The following NTN4 variants were observed in gnomAD, a reference collection of about 807,000 sequenced individuals.
NTN4 encodes the protein netrin-4.
NTN4 carries 32 observed loss-of-function variants against 73.6 expected under a neutral mutation model. The observed-to-expected ratio is 0.44, with a 90% CI of 0.33 to 0.58. NTN4 has a LOEUF of 0.58. Ranked by LOEUF, NTN4 falls within the 20% of genes least tolerant of loss-of-function variation. NTN4 has a pLI of 0.04. For missense variants in NTN4, 654 were observed against 798.3 expected (o/e 0.82, Z 2.18); for synonymous variants, 258 against 287.5 (o/e 0.90, Z 1.04).
chr12:95,737,398 G>T (rs556187210), intron 3 of NTN4, among the ~76,000 whole-genome samples: 1 of 142,296 alleles, frequency 7.0e-6, no homozygotes, highest in African/African-American at 2.5e-5. Flanking sequence ...TCTGCCTTAG[G>T]TGAAGAGGGG....
At chr12:95,771,033 A>G (rs1409012949) in intron 2 of NTN4, among the ~76,000 whole-genome samples, 1 of 137,108 alleles carries the variant, frequency 7.3e-6, no homozygotes, top group Non-Finnish European at 1.5e-5. Flanking sequence ...TCTGTCGCCC[A>G]GGCTGGAGTG....
At chr12:95,767,829 T>C (rs764431455) in intron 2 of NTN4, among the ~76,000 whole-genome samples, 1 of 152,160 alleles carries the variant, frequency 6.6e-6, no homozygotes. Flanking sequence ...GTGCTAGGCC[T>C]TTGCATACTG....
At chr12:95,717,332 C>T (rs568077163) in intron 3 of NTN4, among the ~76,000 whole-genome samples, 2 of 152,244 alleles carry the variant, frequency 1.3e-5, no homozygotes, top group East Asian at 1.9e-4. Context: ...AGAGTTACCT[C>T]GTCAAACATT....
rs1037629943 is a variant in NTN4 at position 95,752,910 on chromosome 12, C to A, written c.586-14766G>T. Reference sequence around the variant, plus strand: ...TCTCATAGCTTCCAAAATCTATTTTCTTCCTCATACCTGATGCATATACTT... The same window carrying A: ...TCTCATAGCTTCCAAAATCTATTTTATTCCTCATACCTGATGCATATACTT... On this transcript the variant is annotated intron_variant, in intron 2 of 9. Coordinates refer to ENST00000343702, the MANE Select transcript of NTN4 (RefSeq NM_021229.4). 5.3e-5 allele frequency among the ~76,000 whole-genome samples: 8 copies of A among 152,198 alleles called. 1 individual carries two copies. The highest frequency in any genetic ancestry group is 3.9e-4 in the Admixed American group (6 of 15,290).
chr12:95,705,434 C>T (rs7974333), intron 5 of NTN4, among the ~76,000 whole-genome samples: 138 of 152,230 alleles, frequency 9.1e-4, no homozygotes, highest in African/African-American at 3.0e-3. Flanking sequence ...CACTTACCTG[C>T]CCTACTTCCC....
At chr12:95,735,143 T>C (rs1483285849) in intron 3 of NTN4, among the ~76,000 whole-genome samples, 2 of 152,202 alleles carry the variant, frequency 1.3e-5, no homozygotes, top group East Asian at 1.9e-4. Context: ...AAAAGTCAAA[T>C]ACACCCAAGC....
At chr12:95,754,688 AC>A (rs1442519973) in intron 2 of NTN4, among the ~76,000 whole-genome samples, 1 of 151,782 alleles carries the variant, frequency 6.6e-6, no homozygotes, top group African/African-American at 2.4e-5. Flanking sequence ...GCACCTTGTG[AC>A]CCCTACCCCT....
intron 3 of NTN4, among the ~76,000 whole-genome samples, chr12:95,729,504 G>A (rs189827260): frequency 5.9e-5 from 9 of 151,892 alleles, no homozygotes; most frequent in Admixed American, 2.6e-4. Flanking sequence ...TAATGCAATC[G>A]TAGTCCCAAT....
chr12:95,729,503 C>A (rs958529744), intron 3 of NTN4, among the ~76,000 whole-genome samples: 3 of 151,986 alleles, frequency 2.0e-5, no homozygotes, highest in African/African-American at 7.2e-5. Flanking sequence ...GTAATGCAAT[C>A]GTAGTCCCAA....
chr12:95,688,649 T>C (rs1477100657), intron 5 of NTN4, among the ~76,000 whole-genome samples: 1 of 152,064 alleles, frequency 6.6e-6, no homozygotes, highest in Non-Finnish European at 1.5e-5. Context: ...TAGATGAAAC[T>C]TCCCAGGGAC....
rs759812111 is a variant in NTN4, at chr12:95,659,099, C to T, written c.1874G>A (p.Arg625Lys). The change falls in exon 10 of 10, where the codon AGA (arginine) becomes AAA (lysine). Residue 625 changes from arginine (R) to lysine (K), a missense_variant. Transcript: ENST00000343702. ...LGRKVMDILKRECK is the reference protein window; with the variant it reads ...LGRKVMDILKKECK ...TCCATCTTAATGCTACTTGCACTCT[C>T]TTTTTAAAATATCCATGACTTTTCT... The T allele has an allele frequency of 6.2e-7, 1 of 1,611,982 alleles. No individual in the cohort carries two copies. The highest frequency in any genetic ancestry group is 1.7e-5 in the Admixed American group (1 of 59,716).
intron 3 of NTN4, among the ~76,000 whole-genome samples, chr12:95,723,304 A>T (rs1352982826): frequency 6.6e-6 from 1 of 152,068 alleles, no homozygotes; most frequent in East Asian, 1.9e-4. Flanking sequence ...CCACCAAGAG[A>T]TTACCAAGTG....
chr12:95,736,242 TG>T (rs1432803977), intron 3 of NTN4, among the ~76,000 whole-genome samples: 1 of 152,052 alleles, frequency 6.6e-6, no homozygotes, highest in Non-Finnish European at 1.5e-5. Context: ...CCCGGCCACC[TG>T]AAGTTTTTAT....
Position 95,770,312 on chromosome 12 carries a change from G to A in NTN4, c.585+16627C>T, listed in dbSNP as rs976557515. On this transcript the variant is annotated intron_variant, in intron 2 of 9. Coordinates refer to ENST00000343702, the MANE Select transcript of NTN4 (RefSeq NM_021229.4). ...CCCTCCTTCAAGAGGGTGTTCCAGTGGGCTTACATTCTTCTGAGCTTTCAT... is the reference window on the plus strand; with the variant it reads ...CCCTCCTTCAAGAGGGTGTTCCAGTAGGCTTACATTCTTCTGAGCTTTCAT... Among the ~76,000 whole-genome samples, 19 of 152,256 alleles carry A rather than the reference G, an allele frequency of 1.2e-4. 1 individual carries two copies. The highest frequency in any genetic ancestry group is 9.8e-4 in the Admixed American group (15 of 15,300).
chr12:95,672,741 A>G, intron 7 of NTN4: 1 of 1,388,180 alleles, frequency 7.2e-7, no homozygotes, highest in Non-Finnish European at 1.0e-6. Context: ...CAGACCTCAC[A>G]GATGATCAGC....
At chr12:95,775,702 G>T (rs1048455503) in intron 2 of NTN4, among the ~76,000 whole-genome samples, 7 of 152,240 alleles carry the variant, frequency 4.6e-5, no homozygotes, top group Non-Finnish European at 8.8e-5. Context: ...ACTGGGTGGA[G>T]CCCATTGCAC....
At position 95,710,646 on chromosome 12, in the gene NTN4, T is replaced by C; in HGVS notation, c.992-17A>G. 1.2e-6 allele frequency: 2 copies of C among 1,607,184 alleles called. No homozygotes were observed. The highest frequency in any genetic ancestry group is 1.7e-6 in the Non-Finnish European group (2 of 1,175,630). On this transcript the variant is annotated splice_polypyrimidine_tract_variant and intron_variant, in intron 4 of 9. Coordinates refer to ENST00000343702, the MANE Select transcript of NTN4 (RefSeq NM_021229.4). Reference sequence around the variant, plus strand: ...ACTTGCAGGCTGGAAATAAGAAGCGTGGAGAGAAACACTAATAAGTAAAAA... The same window carrying C: ...ACTTGCAGGCTGGAAATAAGAAGCGCGGAGAGAAACACTAATAAGTAAAAA...
chr12:95,753,199 T>C (rs1279029770), intron 2 of NTN4, among the ~76,000 whole-genome samples: 1 of 152,078 alleles, frequency 6.6e-6, no homozygotes, highest in African/African-American at 2.4e-5. Context: ...GGCTATGCTA[T>C]AGTACAAGCC....
chr12:95,733,687 C>T (rs2078754456), intron 3 of NTN4, among the ~76,000 whole-genome samples: 1 of 151,700 alleles, frequency 6.6e-6, no homozygotes, highest in Admixed American at 6.6e-5. Context: ...GTAAAATAGA[C>T]AGATGAAGGA....
Sources: gnomAD v4.1 joint callset for allele counts (sites outside exome capture counted in the v4.1 genomes callset) on GRCh38, gnomAD v4.1.1 for gene constraint, MANE v1.5 for transcripts, NCBI Gene and HGNC (gene_info 2026-07-23, HGNC 2026-07-21) for gene names.